MASP2: variants seen among roughly 807,000 people sequenced by gnomAD.
MASP2 encodes mannan-binding lectin serine protease 2.
Under a neutral mutation model 57.1 loss-of-function variants are expected in MASP2, and 49 were observed. The observed-to-expected ratio is 0.86, with a 90% CI of 0.68 to 1.09. MASP2 has a LOEUF of 1.09. Ranked by LOEUF, MASP2 falls within the 50% of genes least tolerant of loss-of-function variation. The probability of loss-of-function intolerance (pLI) is 0.00; values close to 1 mark genes in which losing one functional copy is unlikely to be tolerated. For missense variants in MASP2, 900 were observed against 874.8 expected, an observed-to-expected ratio of 1.03 and a Z score of -0.36; for synonymous variants, 379 against 340.8, an observed-to-expected ratio of 1.11 and a Z score of -1.24.
Position 11,043,013 on chromosome 1 carries a change from CTGTT to C in MASP2, c.747_750del (p.Asp251GlufsTer23). On this transcript the variant is annotated frameshift_variant, in exon 6 of 11. Transcript: ENST00000400897. LOFTEE classifies it high-confidence loss of function. ...CAGAATGGGCCATGTTCTTCTCTGT[CTGTT>C]TGAATCTGAGAAAGAAGCTCATGAA... 1.2e-6 allele frequency: 2 copies of C among 1,613,646 alleles called. No homozygotes were observed. Among genetic ancestry groups the C allele is most frequent in the East Asian group, 2.2e-5 (1 of 44,878 alleles).
chr1:11,039,346 AT>A (rs1638343719), intron 6 of MASP2, among the ~76,000 whole-genome samples: 1 of 142,364 alleles, frequency 7.0e-6, no homozygotes, highest in Admixed American at 6.9e-5. Context: ...GGATGGATGG[AT>A]GGATGGATGG....
intron 8 of MASP2, among the ~76,000 whole-genome samples, chr1:11,031,252 G>A (rs190907616): frequency 6.6e-6 from 1 of 151,112 alleles, no homozygotes; most frequent in Non-Finnish European, 1.5e-5. Context: ...GGCCGGGCGC[G>A]ATGGCTCATG....
chr1:11,034,998 G>T, intron 7 of MASP2, 92 bp from the exon 8 acceptor site: 1 of 811,004 alleles, frequency 1.2e-6, no homozygotes, highest in Non-Finnish European at 1.9e-6. Flanking sequence ...CTATTCTAGT[G>T]TTTTACGAGG....
At chr1:11,037,350 A>G (rs1277001692) in intron 7 of MASP2, among the ~76,000 whole-genome samples, 2 of 152,088 alleles carry the variant, frequency 1.3e-5, no homozygotes, top group African/African-American at 4.8e-5. Flanking sequence ...CTGCCTCCCA[A>G]AGTGCTGGGA....
At chr1:11,040,619 T>G (rs1020819312) in intron 6 of MASP2, among the ~76,000 whole-genome samples, 2 of 149,762 alleles carry the variant, frequency 1.3e-5, no homozygotes, top group Non-Finnish European at 3.0e-5. Context: ...GCTGAAAGGA[T>G]GGATGGATGG....
rs755233713 is a variant in MASP2, at chr1:11,027,266, G to A, written c.1680C>T (p.Ser560=). 1.4e-5 allele frequency: 23 copies of A among 1,613,898 alleles called. No individual in the cohort carries two copies. In the South Asian group the frequency reaches 1.4e-4, roughly 10 times the overall value. ...TTCCAATGTCATCTGTCCTCATAAA[G>A]GATTCAGCTTCTTTTCTTGGCAGAC... The part of the protein sequence containing the change: ...PICLPRKEAE[S]FMRTDDIGTA... The change falls in exon 11 of 11, where the codon TCC becomes TCT. Residue 560 remains serine, a synonymous_variant. Transcript: ENST00000400897.
intron 8 of MASP2, among the ~76,000 whole-genome samples, chr1:11,032,355 T>C (rs1258312253): frequency 6.6e-6 from 1 of 152,182 alleles, no homozygotes; most frequent in South Asian, 2.1e-4. Context: ...CTCACACCTG[T>C]AATTGCAGCA....
In MASP2 at chr1:11,039,902, A is replaced by ATG. The variant is rs1638369306; in HGVS notation, c.890-2092_890-2091insCA. Among the ~76,000 whole-genome samples, 33 of 122,270 alleles carry ATG rather than the reference A, an allele frequency of 2.7e-4. 1 individual carries two copies. The highest frequency in any genetic ancestry group is 9.1e-4 in the African/African-American group (27 of 29,514). 80.2% of individuals were successfully genotyped at this position (122,270 alleles called of 152,430 possible). On this transcript the variant is annotated intron_variant, in intron 6 of 10. Transcript: ENST00000400897. ...TGGATGGATGGATGGATGGATGGATAGATGGATGGATAGATGGATAGGATG... is the reference window on the plus strand; with the variant it reads ...TGGATGGATGGATGGATGGATGGATATGGATGGATGGATAGATGGATAGGATG...
rs1570731087 is a variant in MASP2, at chr1:11,026,787, T to C, written c.*98A>G. 1 of 1,028,812 alleles carries C rather than the reference T, an allele frequency of 9.7e-7. No homozygotes were observed. Among genetic ancestry groups the C allele is most frequent in the Non-Finnish European group, 1.3e-6 (1 of 743,148 alleles). The allele number at this position is 1,028,812 out of a possible 1,614,324, so 63.7% of individuals were successfully genotyped here. A position where few individuals can be genotyped will look rare whatever the true frequency, so the allele number is the denominator to read the frequency against. On this transcript the variant is annotated 3_prime_UTR_variant, in exon 11 of 11. Coordinates refer to ENST00000400897, the MANE Select transcript of MASP2 (RefSeq NM_006610.4). ...TTTTTGGGTGGAGCAACAACTGCCA[T>C]GTCCACAGTAATGATGAATGCTTCT...
rs61735596 is a variant in MASP2, at chr1:11,034,851, T to A, written c.1064A>T (p.Asp355Val). 5.2e-4 allele frequency: 842 copies of A among 1,613,150 alleles called. 4 individuals are homozygous for A. In the African/African-American group the frequency reaches 0.01, roughly 20 times the overall value. ...ACTGCTGCACGCGGGCATTGGCCGG[T>A]CCCAAGATCCATCTTTCTGACAAAC... ...TAVCQKDGSW[D>V]RPMPACSIVD... The change falls in exon 8 of 11, where the codon GAC (aspartate) becomes GTC (valine). Residue 355 changes from aspartate to valine, a missense_variant. Physicochemically the swap from Asp to Val is radical, Grantham distance 152. Transcript: ENST00000400897.
chr1:11,028,093 G>A (rs1262715873), intron 10 of MASP2, among the ~76,000 whole-genome samples: 1 of 151,948 alleles, frequency 6.6e-6, no homozygotes. Context: ...GTGGTGATGG[G>A]CACCTGTAAT....
chr1:11,043,064 G>T, intron 5 of MASP2, 42 bp from the exon 6 acceptor site: 1 of 1,606,464 alleles, frequency 6.2e-7, no homozygotes, highest in Non-Finnish European at 8.5e-7. Flanking sequence ...AGCTGCCTGG[G>T]TCTGGCCTGG....
At chr1:11,030,449 G>A in intron 9 of MASP2, 199 bp from the exon 10 acceptor site, 1 of 584,870 alleles carries the variant, frequency 1.7e-6, no homozygotes, top group Non-Finnish European at 3.0e-6. Context: ...CCTTTTAGAT[G>A]TGTAACTTGA....
Position 11,045,429 on chromosome 1 carries a change from G to C in MASP2, c.523C>G (p.Arg175Gly). 1 of 1,613,280 alleles carries C rather than the reference G, an allele frequency of 6.2e-7. No individual in the cohort carries two copies. Among genetic ancestry groups the C allele is most frequent in the African/African-American group, 1.3e-5 (1 of 75,030 alleles). ...CSCRAGYVLHRNKRTCSALCS... is the reference protein window; with the variant it reads ...CSCRAGYVLHGNKRTCSALCS... ...TCACCTGAGCAGGTGCGCTTGTTACGGTGCAGGACGTAGCCTGCGCGGCAG... is the reference window on the plus strand; with the variant it reads ...TCACCTGAGCAGGTGCGCTTGTTACCGTGCAGGACGTAGCCTGCGCGGCAG... The change falls in exon 4 of 11, where the codon CGT becomes GGT. Residue 175 changes from arginine (R) to glycine (G), a missense_variant. Arg to Gly is a moderately radical substitution (Grantham distance 125, BLOSUM62 -2). Coordinates refer to ENST00000400897, the MANE Select transcript of MASP2 (RefSeq NM_006610.4).
Position 11,037,815 on chromosome 1 carries a change from C to CGCA in MASP2, c.890-7_890-5dup. 1 of 1,586,982 alleles carries CGCA rather than the reference C, an allele frequency of 6.3e-7. No individual in the cohort carries two copies. Among genetic ancestry groups the CGCA allele is most frequent in the East Asian group, 2.3e-5 (1 of 44,364 alleles). On this transcript the variant is annotated splice_polypyrimidine_tract_variant and splice_region_variant and intron_variant, in intron 6 of 10. Coordinates refer to ENST00000400897, the MANE Select transcript of MASP2 (RefSeq NM_006610.4). ...ATCGGATAAGGGCAAGGCTGCGCTG[C>CGCA]GCAGAGGAAACCAGGCTTGTTGGTT...
intron 8 of MASP2, among the ~76,000 whole-genome samples, chr1:11,033,374 G>A (rs1263706368): frequency 1.3e-5 from 2 of 151,920 alleles, no homozygotes; most frequent in African/African-American, 4.8e-5. Flanking sequence ...GCTGGGCGCT[G>A]TGGCTCATGC....
At chr1:11,029,933 A>C in intron 10 of MASP2, 1 of 349,276 alleles carries the variant, frequency 2.9e-6, no homozygotes, top group Non-Finnish European at 5.2e-6. Flanking sequence ...AAAATCATTT[A>C]ATTTTTTATG....
At chr1:11,030,309 G>A in intron 9 of MASP2, 59 bp from the exon 10 acceptor site, 10 of 1,183,646 alleles carry the variant, frequency 8.4e-6, no homozygotes, top group Non-Finnish European at 1.3e-5. Context: ...GTTGTCATTT[G>A]CTTGAATACC....
intron 3 of MASP2, 101 bp from the exon 4 acceptor site, chr1:11,045,640 A>C: frequency 7.4e-7 from 1 of 1,357,572 alleles, no homozygotes; most frequent in Non-Finnish European, 9.9e-7. Flanking sequence ...TGGACCTCAG[A>C]GGAGGCCTCG....
Sources: gnomAD v4.1 joint callset for allele counts (sites outside exome capture counted in the v4.1 genomes callset) on GRCh38, gnomAD v4.1.1 for gene constraint, MANE v1.5 for transcripts, NCBI Gene and HGNC (gene_info 2026-07-23, HGNC 2026-07-21) for gene names.